The following TECPR2 variants were observed in gnomAD, a reference collection of about 807,000 sequenced individuals.
TECPR2 encodes the protein tectonin beta-propeller repeat-containing protein 2.
In TECPR2, 65 loss-of-function variants were observed where a neutral mutation model predicts 138.1. The ratio of observed to expected loss-of-function variants is 0.47; its 90% CI spans 0.39 to 0.58. The LOEUF (loss-of-function observed/expected upper bound fraction) is 0.58, where lower values mean the gene tolerates loss of function less well. TECPR2 is among the 20% of genes least tolerant of loss of function. The probability of loss-of-function intolerance (pLI) is 0.00; values close to 1 mark genes in which losing one functional copy is unlikely to be tolerated. For synonymous variants in TECPR2, 746 were observed against 749.8 expected (o/e 0.99, Z 0.08); for missense variants, 1,553 against 1,824.5 (o/e 0.85, Z 2.71).
chr14:102,439,601 C>T lies in TECPR2; in HGVS notation c.2579-835C>T, dbSNP rs1010938137. Among the ~76,000 whole-genome samples the T allele has an allele frequency of 3.9e-5, 6 of 152,166 alleles. No homozygotes were observed. The East Asian group carries it at 1.2e-3, about 29-fold the overall frequency. ...CTGACTATATTAGTTACTTGTATTC[C>T]CAGGCCCCTTGGTCCCTCACTGTGC... On this transcript the variant is annotated intron_variant, in intron 10 of 19. Transcript: ENST00000359520.
intron 13 of TECPR2, 98 bp downstream of exon 13, chr14:102,446,045 T>G: frequency 1.5e-6 from 2 of 1,331,098 alleles, no homozygotes; most frequent in Non-Finnish European, 2.0e-6. Context: ...CTAGATTAAA[T>G]TTAAAATACT....
intron 2 of TECPR2, among the ~76,000 whole-genome samples, chr14:102,396,581 C>G (rs1888321205): frequency 6.6e-6 from 1 of 152,150 alleles, no homozygotes; most frequent in Admixed American, 6.5e-5. Context: ...AGTCATCTGT[C>G]TCCACACCTA....
intron 17 of TECPR2, among the ~76,000 whole-genome samples, chr14:102,475,460 A>G (rs1733290197): frequency 6.6e-6 from 1 of 152,114 alleles, no homozygotes; most frequent in Admixed American, 6.5e-5. Flanking sequence ...GTGACCAGTC[A>G]GAGGGTCTTC....
chr14:102,444,048 G>C (rs1016732854), intron 12 of TECPR2, among the ~76,000 whole-genome samples: 4 of 152,142 alleles, frequency 2.6e-5, no homozygotes, highest in African/African-American at 9.7e-5. Context: ...GCGCAGCCCT[G>C]AGCATCACAG....
rs191200425 is a variant in TECPR2 at position 102,500,652 on chromosome 14, T to C, written c.*2395T>C. ...GAGCAGCAAAGCTTTCCAGAAGGCA[T>C]AAAAGGAAACTTGAATAAAGGAAGA... On this transcript the variant is annotated 3_prime_UTR_variant, in exon 20 of 20. Coordinates refer to ENST00000359520, the MANE Select transcript of TECPR2 (RefSeq NM_014844.5). 48 of 152,350 alleles carry C rather than the reference T, an allele frequency of 3.2e-4. No homozygotes were observed. Among genetic ancestry groups the C allele is most frequent in the African/African-American group, 1.1e-3 (45 of 41,560 alleles). The allele number at this position is 152,350 out of a possible 1,614,324, so 9.4% of individuals were successfully genotyped here. A position where few individuals can be genotyped will look rare whatever the true frequency, so the allele number is the denominator to read the frequency against.
At chr14:102,487,232 G>A (rs926483302) in intron 17 of TECPR2, among the ~76,000 whole-genome samples, 1 of 152,206 alleles carries the variant, frequency 6.6e-6, no homozygotes, top group East Asian at 1.9e-4. Context: ...CTTTCCTGGG[G>A]CATTTGTGCT....
At chr14:102,461,996 C>T (rs1357474652) in intron 16 of TECPR2, among the ~76,000 whole-genome samples, 1 of 152,198 alleles carries the variant, frequency 6.6e-6, no homozygotes, top group Non-Finnish European at 1.5e-5. Context: ...CATCTTTCAC[C>T]TGTCTCTTCA....
At chr14:102,453,517 G>T (rs1329577003) in intron 16 of TECPR2, among the ~76,000 whole-genome samples, 5 of 151,696 alleles carry the variant, frequency 3.3e-5, no homozygotes, top group African/African-American at 1.2e-4. Flanking sequence ...GAAATGTAGT[G>T]CTGCTATTTG....
At chr14:102,494,133 G>A (rs1414524131) in intron 17 of TECPR2, among the ~76,000 whole-genome samples, 2 of 152,198 alleles carry the variant, frequency 1.3e-5, no homozygotes, top group South Asian at 2.1e-4. Flanking sequence ...GGCTTCCAGA[G>A]CCTGTGCCTG....
intron 2 of TECPR2, among the ~76,000 whole-genome samples, chr14:102,389,962 G>T (rs959398687): frequency 6.6e-6 from 1 of 152,204 alleles, no homozygotes; most frequent in Non-Finnish European, 1.5e-5. Flanking sequence ...GATGTTCTTT[G>T]TTAGTAAAAG....
At chr14:102,411,603 A>T (rs1281862869) in intron 4 of TECPR2, among the ~76,000 whole-genome samples, 2 of 149,424 alleles carry the variant, frequency 1.3e-5, no homozygotes, top group African/African-American at 4.9e-5. Context: ...TACCTTCCCA[A>T]ATCCTATAAA....
rs140675987 is a variant in TECPR2 at position 102,466,005 on chromosome 14, G to T, written c.3789+716G>T. Among the ~76,000 whole-genome samples the T allele has an allele frequency of 1.3e-3, 204 of 152,330 alleles. 1 individual carries two copies. Among genetic ancestry groups the T allele is most frequent in the African/African-American group, 4.4e-3 (183 of 41,562 alleles). ...GTGACTCTGTTGGGAAACAGGTGAAGTTGCCAATTGTGGAGGCAGCAGTGG... is the reference window on the plus strand; with the variant it reads ...GTGACTCTGTTGGGAAACAGGTGAATTTGCCAATTGTGGAGGCAGCAGTGG... On this transcript the variant is annotated intron_variant, in intron 17 of 19. Transcript: ENST00000359520.
intron 2 of TECPR2, among the ~76,000 whole-genome samples, chr14:102,381,720 T>G (rs1401264676): frequency 6.6e-6 from 1 of 152,240 alleles, no homozygotes; most frequent in East Asian, 1.9e-4. Flanking sequence ...CTAAAGTCAT[T>G]GCTAAATGAA....
At chr14:102,477,276 A>G (rs1018332592) in intron 17 of TECPR2, among the ~76,000 whole-genome samples, 4 of 151,964 alleles carry the variant, frequency 2.6e-5, no homozygotes, top group Non-Finnish European at 5.9e-5. Context: ...AAGCTGAAGC[A>G]GGAGAATTGC....
intron 2 of TECPR2, 56 bp downstream of exon 2, chr14:102,376,996 C>A: frequency 1.3e-6 from 2 of 1,544,222 alleles, no homozygotes; most frequent in South Asian, 2.3e-5. Flanking sequence ...TGACGCTTAA[C>A]ATGCTTGTGT....
intron 17 of TECPR2, among the ~76,000 whole-genome samples, chr14:102,480,841 G>GTGT (rs772610079): frequency 5.3e-5 from 4 of 75,216 alleles, no homozygotes; most frequent in Non-Finnish European, 9.4e-5. Context: ...TTGGTTTTGG[G>GTGT]TTTTTTTTTT....
In TECPR2 at chr14:102,440,622, C is replaced by G. The variant is rs374259843; in HGVS notation, c.2752+13C>G. The G allele has an allele frequency of 6.2e-7, 1 of 1,610,930 alleles. No individual in the cohort carries two copies. The highest frequency in any genetic ancestry group is 8.5e-7 in the Non-Finnish European group (1 of 1,178,160). ...TACTTGCAGACAGGTAACCGCGGGC[C>G]ACGCTTAGAGGCCTGCCAGCTCTGC... On this transcript the variant is annotated intron_variant, in intron 11 of 19. Transcript: ENST00000359520.
chr14:102,394,900 T>C (rs1245332580), intron 2 of TECPR2, among the ~76,000 whole-genome samples: 2 of 152,196 alleles, frequency 1.3e-5, no homozygotes, highest in African/African-American at 4.8e-5. Flanking sequence ...TACCTTAGCC[T>C]GAGCTATTGT....
intron 17 of TECPR2, among the ~76,000 whole-genome samples, chr14:102,491,173 T>C (rs1408681613): frequency 6.6e-6 from 1 of 152,182 alleles, no homozygotes; most frequent in African/African-American, 2.4e-5. Context: ...GGATTACAGG[T>C]GTGAGCCACC....
Sources: gnomAD v4.1 joint callset for allele counts (sites outside exome capture counted in the v4.1 genomes callset) on GRCh38, gnomAD v4.1.1 for gene constraint, MANE v1.5 for transcripts, NCBI Gene and HGNC (gene_info 2026-07-23, HGNC 2026-07-21) for gene names.